Variants in WDFY4 observed in about 807,000 individuals in gnomAD.
The protein encoded by WDFY4 is WDFY family member 4, also known as WD repeat- and FYVE domain-containing protein 4.
In WDFY4, 169 loss-of-function variants were observed where a neutral mutation model predicts 351.9. The ratio of observed to expected loss-of-function variants is 0.48; its 90% CI spans 0.42 to 0.55. WDFY4 has a LOEUF of 0.55. Among genes scored for constraint, WDFY4 ranks in the 20% least tolerant of loss-of-function variants. The probability of loss-of-function intolerance (pLI) is 0.00; values close to 1 mark genes in which losing one functional copy is unlikely to be tolerated. For synonymous variants in WDFY4, 1,622 were observed against 1,574.6 expected (o/e 1.03, Z -0.71); for missense variants, 3,803 against 3,935.6 (o/e 0.97, Z 0.90).
intron 5 of WDFY4, among the ~76,000 whole-genome samples, chr10:48,723,883 G>A (rs2064175080): frequency 6.6e-6 from 1 of 152,088 alleles, no homozygotes; most frequent in Admixed American, 6.5e-5. Context: ...CATACAAACT[G>A]AGGCATGGTG....
At chr10:48,789,474 C>T (rs2066606386) in intron 21 of WDFY4, among the ~76,000 whole-genome samples, 1 of 152,226 alleles carries the variant, frequency 6.6e-6, no homozygotes, top group Admixed American at 6.5e-5. Context: ...CTTCTTGCCC[C>T]TTTGACATCT....
chr10:48,757,121 G>A (rs1161164164), intron 12 of WDFY4, among the ~76,000 whole-genome samples: 1 of 152,092 alleles, frequency 6.6e-6, no homozygotes, highest in African/African-American at 2.4e-5. Flanking sequence ...AGCTATAAAT[G>A]ATTTAGGCAA....
At chr10:48,979,094 T>C (rs1842699291) in intron 60 of WDFY4, among the ~76,000 whole-genome samples, 1 of 152,196 alleles carries the variant, frequency 6.6e-6, no homozygotes, top group South Asian at 2.1e-4. Flanking sequence ...ATATTAGTGG[T>C]CCCTTCCTTC....
At chr10:48,756,084 T>G (rs1441610402) in intron 12 of WDFY4, among the ~76,000 whole-genome samples, 1 of 152,124 alleles carries the variant, frequency 6.6e-6, no homozygotes, top group Non-Finnish European at 1.5e-5. Context: ...GGATTTTTAT[T>G]GGAATTGCAT....
Position 48,709,891 on chromosome 10 carries a change from A to G in WDFY4, c.159A>G (p.Glu53=). The change falls in exon 2 of 62, where the codon GAA becomes GAG. Residue 53 remains glutamate, a synonymous_variant. Transcript: ENST00000325239. ...ACATGCTGGAAAGGAAGTTTCTGGA[A>G]TACCAGCAGTTGACTCACAAGAGCC... ...LWDMLERKFL[E]YQQLTHKSPI... is the part of the protein sequence containing the mutation. 8 of 1,552,116 alleles carry G rather than the reference A, an allele frequency of 5.2e-6. No homozygotes were observed. Among genetic ancestry groups the G allele is most frequent in the Non-Finnish European group, 7.0e-6 (8 of 1,147,096 alleles).
chr10:48,719,958 A>C, intron 2 of WDFY4, 53 bp from the exon 3 acceptor site: 1 of 1,496,800 alleles, frequency 6.7e-7, no homozygotes, highest in Non-Finnish European at 9.1e-7. Context: ...GGCAGTGCTC[A>C]TGCCCTGCTT....
At chr10:48,848,617 G>A (rs1362882884) in intron 39 of WDFY4, among the ~76,000 whole-genome samples, 1 of 152,164 alleles carries the variant, frequency 6.6e-6, no homozygotes, top group Non-Finnish European at 1.5e-5. Context: ...GAGTGAGGAA[G>A]GTCTGTGAGG....
At chr10:48,716,284 A>G (rs1007449142) in intron 2 of WDFY4, among the ~76,000 whole-genome samples, 1 of 152,184 alleles carries the variant, frequency 6.6e-6, no homozygotes, top group African/African-American at 2.4e-5. Flanking sequence ...TTTGTCATTC[A>G]AAAGCTGGGT....
At chr10:48,765,742 G>A (rs2065648123) in intron 13 of WDFY4, among the ~76,000 whole-genome samples, 2 of 152,138 alleles carry the variant, frequency 1.3e-5, no homozygotes, top group Non-Finnish European at 2.9e-5. Context: ...GAAGTGAGAG[G>A]TTACAGAAAG....
intron 12 of WDFY4, among the ~76,000 whole-genome samples, chr10:48,747,479 A>T (rs960523646): frequency 6.6e-6 from 1 of 151,966 alleles, no homozygotes; most frequent in Non-Finnish European, 1.5e-5. Flanking sequence ...ACACAATTAG[A>T]TGTATGTTTT....
At position 48,720,032 on chromosome 10, in the gene WDFY4, A is replaced by G. The variant is rs898825570; in HGVS notation, c.256A>G (p.Ile86Val). The G allele has an allele frequency of 1.4e-5, 22 of 1,551,588 alleles. No individual in the cohort carries two copies. In the African/African-American group the frequency reaches 2.5e-4, roughly 17 times the overall value. The change falls in exon 3 of 62, where the codon ATC becomes GTC. Residue 86 changes from isoleucine to valine, a missense_variant. Transcript: ENST00000325239. ...TCAGGCCTGGGAACACTCCGTGGGG[A>G]TCATCTGCTTTCCCAGTCTCCAAAG... ...FLKAWEHSVGIICFPSLQRLA... is the reference protein window; with the variant it reads ...FLKAWEHSVGVICFPSLQRLA...
intron 2 of WDFY4, among the ~76,000 whole-genome samples, chr10:48,719,196 A>C (rs1290019778): frequency 6.6e-6 from 1 of 152,234 alleles, no homozygotes; most frequent in East Asian, 1.9e-4. Context: ...TGGCCTATCT[A>C]ACATTTTTTA....
intron 39 of WDFY4, among the ~76,000 whole-genome samples, chr10:48,865,068 T>C (rs1033202418): frequency 3.9e-5 from 6 of 152,214 alleles, no homozygotes; most frequent in Non-Finnish European, 1.5e-5. Context: ...TCTTGTCTGG[T>C]TGTCCTGTCT....
At chr10:48,711,173 C>T (rs561627170) in intron 2 of WDFY4, among the ~76,000 whole-genome samples, 1 of 152,280 alleles carries the variant, frequency 6.6e-6, no homozygotes, top group South Asian at 2.1e-4. Flanking sequence ...TACTTAGAAT[C>T]TTGTTGGGAA....
intron 43 of WDFY4, among the ~76,000 whole-genome samples, chr10:48,883,265 G>T (rs1030052583): frequency 6.6e-6 from 1 of 152,236 alleles, no homozygotes; most frequent in Non-Finnish European, 1.5e-5. Context: ...GTCCACTGTG[G>T]CCTTATCCCT....
At chr10:48,834,570 G>A (rs567441811) in intron 39 of WDFY4, among the ~76,000 whole-genome samples, 5 of 152,224 alleles carry the variant, frequency 3.3e-5, no homozygotes, top group Non-Finnish European at 7.3e-5. Flanking sequence ...AAAACTTGGA[G>A]CATTCCCACT....
At chr10:48,950,723 G>A (rs1300452263) in intron 51 of WDFY4, among the ~76,000 whole-genome samples, 7 of 152,238 alleles carry the variant, frequency 4.6e-5, no homozygotes, top group Non-Finnish European at 2.9e-5. Context: ...CATTTTCAAG[G>A]CCACATTTTC....
chr10:48,897,965 CAG>C (rs1837170907), intron 45 of WDFY4, among the ~76,000 whole-genome samples: 1 of 152,188 alleles, frequency 6.6e-6, no homozygotes, highest in African/African-American at 2.4e-5. Context: ...GTCCTGCCCA[CAG>C]GGGTAAGACC....
chr10:48,723,550 C>A lies in WDFY4; in HGVS notation c.574C>A (p.Gln192Lys). 1 of 1,551,888 alleles carries A rather than the reference C, an allele frequency of 6.4e-7. No homozygotes were observed. Among genetic ancestry groups the A allele is most frequent in the South Asian group, 1.2e-5 (1 of 84,032 alleles). ...DELLESDLQVQKMFVQMLLNI... is the reference protein window; with the variant it reads ...DELLESDLQVKKMFVQMLLNI... ...GCTTCTTGAGAGTGATCTTCAAGTT[C>A]AAAAGATGTTCGTGCAGGTGAGTTC... Residue 192 changes from glutamine to lysine, a missense_variant, in exon 5 of 62, where the codon CAA becomes AAA. Transcript: ENST00000325239.
Sources: gnomAD v4.1 joint callset for allele counts (sites outside exome capture counted in the v4.1 genomes callset) on GRCh38, gnomAD v4.1.1 for gene constraint, MANE v1.5 for transcripts, NCBI Gene and HGNC (gene_info 2026-07-23, HGNC 2026-07-21) for gene names.